SLC23A2: variants seen among roughly 807,000 people sequenced by gnomAD.
SLC23A2 encodes solute carrier family 23 member 2.
In SLC23A2, 36 loss-of-function variants were observed where a neutral mutation model predicts 73.3. The observed-to-expected ratio is 0.49, with a 90% CI of 0.38 to 0.65. The LOEUF (loss-of-function observed/expected upper bound fraction) is 0.65. Ranked by LOEUF, SLC23A2 falls within the 30% of genes least tolerant of loss-of-function variation. The pLI is 0.00. For synonymous variants in SLC23A2, 343 were observed against 327.3 expected (o/e 1.05, Z -0.52); for missense variants, 507 against 841.6 (o/e 0.60, Z 4.92).
intron 3 of SLC23A2, among the ~76,000 whole-genome samples, chr20:4,921,400 G>T (rs971004223): frequency 6.6e-6 from 1 of 151,996 alleles, no homozygotes; most frequent in Non-Finnish European, 1.5e-5. Flanking sequence ...TAGGCAACAT[G>T]GCAAAACCCC....
At chr20:4,965,944 G>A (rs901434307) in intron 2 of SLC23A2, among the ~76,000 whole-genome samples, 14 of 138,740 alleles carry the variant, frequency 1.0e-4, no homozygotes, top group African/African-American at 3.4e-4. Flanking sequence ...TCCACCCTGG[G>A]TGACTGAGTG....
In SLC23A2 at chr20:4,884,805, C is replaced by T. The variant is rs1931031253; in HGVS notation, c.590G>A (p.Gly197Glu). The T allele has an allele frequency of 1.3e-6, 2 of 1,562,998 alleles. No homozygotes were observed. Among genetic ancestry groups the T allele is most frequent in the East Asian group, 4.6e-5 (2 of 43,046 alleles). ...TTCTGTGTGCAACAGCTCTGCTGTT[C>T]CATTGGCAACTGAAACATCTTGAAA... ...CNTTDVSVAN[G>E]TAELLHTEHI... Residue 197 changes from glycine to glutamate, a missense_variant, in exon 8 of 17, where the codon GGA becomes GAA. Physicochemically the swap from Gly to Glu is moderately conservative, Grantham distance 98 (BLOSUM62 -2). Around this residue, in one of 5 missense-constraint regions of SLC23A2, gnomAD observed 217 missense variants for 398.0 expected, o/e 0.55. Coordinates refer to ENST00000338244, the MANE Select transcript of SLC23A2 (RefSeq NM_005116.6).
At chr20:5,008,339 A>G (rs1027203495) in intron 1 of SLC23A2, among the ~76,000 whole-genome samples, 3 of 152,136 alleles carry the variant, frequency 2.0e-5, no homozygotes, top group Admixed American at 6.6e-5. Flanking sequence ...GAGCGTTTAA[A>G]TGCACACACC....
chr20:4,925,358 T>C (rs1333883320), intron 3 of SLC23A2, among the ~76,000 whole-genome samples: 1 of 152,028 alleles, frequency 6.6e-6, no homozygotes, highest in South Asian at 2.1e-4. Context: ...TTCTCACTAT[T>C]CCCCTCCCTG....
At chr20:4,922,896 G>A (rs191822421) in intron 3 of SLC23A2, among the ~76,000 whole-genome samples, 266 of 150,934 alleles carry the variant, frequency 1.8e-3, no homozygotes, top group Non-Finnish European at 3.2e-3. Context: ...GATCAACTTC[G>A]TAAGCCTGCT....
upstream of SLC23A2, among the ~76,000 whole-genome samples, chr20:5,003,240 C>G (rs1157656831): frequency 6.6e-6 from 1 of 151,848 alleles, no homozygotes; most frequent in East Asian, 1.9e-4. Context: ...AAAAATTAGC[C>G]GGGCGTGGTG....
intron 11 of SLC23A2, among the ~76,000 whole-genome samples, chr20:4,871,632 T>C (rs1481523764): frequency 1.3e-5 from 2 of 152,134 alleles, no homozygotes; most frequent in Non-Finnish European, 2.9e-5. Context: ...AGGGCAGAAT[T>C]GCTCCTGCCT....
intron 2 of SLC23A2, among the ~76,000 whole-genome samples, chr20:4,963,002 A>C (rs568525401): frequency 6.6e-6 from 1 of 152,166 alleles, no homozygotes. Context: ...ATCTCAAAAA[A>C]AGTTGCCAGA....
chr20:4,902,064 T>C lies in SLC23A2; in HGVS notation c.324+378A>G, dbSNP rs576185369. 1.5e-3 allele frequency among the ~76,000 whole-genome samples: 230 copies of C among 152,322 alleles called. No individual in the cohort carries two copies. The highest frequency in any genetic ancestry group is 2.8e-3 in the Non-Finnish European group (189 of 68,026). On this transcript the variant is annotated intron_variant, in intron 5 of 16. Coordinates refer to ENST00000338244, the MANE Select transcript of SLC23A2 (RefSeq NM_005116.6). The surrounding 1 kb of genome is among the most constrained non-coding windows in gnomAD (Gnocchi z 4.0). The stretch of plus-strand genomic sequence containing the variant: ...TCTCACTATGTCAACCAGGCTGAAG[T>C]GGAGTGGTGTGATCACAGCTCACTG...
intron 2 of SLC23A2, among the ~76,000 whole-genome samples, chr20:4,969,367 G>GC (rs1568648134): frequency 6.6e-6 from 1 of 152,096 alleles, no homozygotes; most frequent in Non-Finnish European, 1.5e-5. Context: ...GGGATTCCAG[G>GC]CATGAGCCAC....
chr20:4,972,218 T>A (rs1039126820), intron 1 of SLC23A2, among the ~76,000 whole-genome samples: 1 of 152,206 alleles, frequency 6.6e-6, no homozygotes. Context: ...AAAATCCTTA[T>A]GTTGAGACAT....
intron 1 of SLC23A2, among the ~76,000 whole-genome samples, chr20:4,994,770 T>A (rs1340593692): frequency 6.9e-6 from 1 of 144,124 alleles, no homozygotes; most frequent in African/African-American, 2.6e-5. Context: ...CCAAAAAAAA[T>A]ATGAAAATAC....
chr20:4,981,217 T>C (rs1157998565), intron 1 of SLC23A2, among the ~76,000 whole-genome samples: 2 of 152,186 alleles, frequency 1.3e-5, no homozygotes, highest in South Asian at 2.1e-4. Context: ...GGCAAGTCAA[T>C]AGCATAATCA....
At chr20:4,918,799 GGCC>G (rs1171059781) in intron 3 of SLC23A2, among the ~76,000 whole-genome samples, 1 of 152,138 alleles carries the variant, frequency 6.6e-6, no homozygotes, top group Non-Finnish European at 1.5e-5. Flanking sequence ...TATCGTGTCT[GGCC>G]GCTAAGAGAA....
At chr20:4,871,893 GT>G (rs534220198) in intron 11 of SLC23A2, among the ~76,000 whole-genome samples, 10 of 152,074 alleles carry the variant, frequency 6.6e-5, no homozygotes, top group Non-Finnish European at 1.0e-4. Flanking sequence ...TAGCATTCTG[GT>G]TTCAAGAATT....
chr20:4,906,274 G>A (rs1276316335), intron 4 of SLC23A2, among the ~76,000 whole-genome samples: 4 of 152,124 alleles, frequency 2.6e-5, no homozygotes, highest in East Asian at 3.8e-4. Context: ...GAGAGGTTGC[G>A]GCTGCAGTGA....
intron 1 of SLC23A2, among the ~76,000 whole-genome samples, chr20:4,977,702 A>C (rs2087665798): frequency 6.6e-6 from 1 of 151,294 alleles, no homozygotes. Flanking sequence ...TGTCCCCAAA[A>C]AAAAAAAAAA....
chr20:4,891,545 C>T (rs1931331962), intron 6 of SLC23A2, among the ~76,000 whole-genome samples: 1 of 152,210 alleles, frequency 6.6e-6, no homozygotes, highest in Non-Finnish European at 1.5e-5. Flanking sequence ...TGGGGCCCAC[C>T]CTGGCTGGGG....
intron 2 of SLC23A2, among the ~76,000 whole-genome samples, chr20:4,946,708 C>A (rs1519862): frequency 0.2 from 30,516 of 152,032 alleles, 6,083 homozygotes; most frequent in African/African-American, 0.52. Context: ...CATTTTGCTG[C>A]CATCGAATTA....
Sources: gnomAD v4.1 joint callset for allele counts (sites outside exome capture counted in the v4.1 genomes callset) on GRCh38, gnomAD v4.1.1 for gene constraint, gnomAD v4.1.1 regional missense constraint, Gnocchi (gnomAD v3.1) non-coding constraint, MANE v1.5 for transcripts, NCBI Gene and HGNC (gene_info 2026-07-23, HGNC 2026-07-21) for gene names.